CFAP91: variants seen among roughly 807,000 people sequenced by gnomAD.
CFAP91 encodes cilia and flagella associated protein 91.
In CFAP91, 85 loss-of-function variants were observed where a neutral mutation model predicts 95.9. That is an observed-to-expected ratio of 0.89 (90% CI 0.74 to 1.06). The LOEUF is 1.06. Among genes scored for constraint, CFAP91 ranks in the 50% least tolerant of loss-of-function variants. The pLI, the probability that CFAP91 is intolerant of heterozygous loss-of-function variation, is 0.00. For synonymous variants in CFAP91, 335 were observed against 327.5 expected (o/e 1.02, Z -0.25); for missense variants, 962 against 943.4 (o/e 1.02, Z -0.26).
intron 17 of CFAP91, chr3:119,752,509 A>G (rs181459187): frequency 6.6e-6 from 1 of 152,338 alleles, no homozygotes; most frequent in Admixed American, 6.5e-5. Flanking sequence ...TAAAACATCT[A>G]TTACATGTAA....
intron 17 of CFAP91, among the ~76,000 whole-genome samples, chr3:119,756,489 G>A (rs1030932103): frequency 1.3e-5 from 2 of 152,088 alleles, no homozygotes; most frequent in African/African-American, 2.4e-5. Context: ...CCAGTTGGAA[G>A]GTTGGAAATA....
At position 119,707,732 on chromosome 3, in the gene CFAP91, G is replaced by GATATATATAT. The variant is rs770594988; in HGVS notation, c.359+179_359+188dup. Among the ~76,000 whole-genome samples, 1,252 of 142,462 alleles carry GATATATATAT rather than the reference G, an allele frequency of 8.8e-3. 16 individuals are homozygous for GATATATATAT. Among genetic ancestry groups the GATATATATAT allele is most frequent in the African/African-American group, 0.024 (927 of 38,886 alleles). The allele number at this position is 142,462 out of a possible 152,430, so 93.5% of individuals were successfully genotyped here. On this transcript the variant is annotated intron_variant, in intron 3 of 17. Transcript: ENST00000273390. Reference sequence around the variant, plus strand: ...ACCTGATTATATATTGTATATATGAGATATATATATATATATAATTTTGTC... The same window carrying GATATATATAT: ...ACCTGATTATATATTGTATATATGAGATATATATATATATATATATATATATAATTTTGTC...
intron 17 of CFAP91, among the ~76,000 whole-genome samples, chr3:119,751,911 G>A (rs1382439182): frequency 3.3e-5 from 5 of 152,152 alleles, no homozygotes; most frequent in African/African-American, 4.8e-5. Context: ...GAAACTCAAA[G>A]CTGTGGTTTT....
intron 13 of CFAP91, chr3:119,740,936 C>T: frequency 2.1e-6 from 1 of 469,524 alleles, no homozygotes; most frequent in Non-Finnish European, 3.9e-6. Flanking sequence ...CTCACTGCAA[C>T]CTCTGCCTCA....
intron 6 of CFAP91, among the ~76,000 whole-genome samples, chr3:119,717,255 T>A (rs951792273): frequency 6.6e-6 from 1 of 152,210 alleles, no homozygotes; most frequent in African/African-American, 2.4e-5. Context: ...TTCCTGCCTG[T>A]GGCCTTGGAC....
intron 10 of CFAP91, 22 bp from the exon 11 acceptor site, chr3:119,737,344 A>G (rs751235111): frequency 5.7e-6 from 8 of 1,409,014 alleles, no homozygotes; most frequent in Admixed American, 4.2e-5. Flanking sequence ...AAAAGAGATT[A>G]TATTAATTGG....
At chr3:119,707,276 A>G in intron 2 of CFAP91, 128 bp from the exon 3 acceptor site, 1 of 690,458 alleles carries the variant, frequency 1.4e-6, no homozygotes, top group Admixed American at 2.8e-5. Context: ...CGCATACAGC[A>G]ATAACCCCTC....
intron 17 of CFAP91, among the ~76,000 whole-genome samples, chr3:119,755,256 G>GC (rs1211810008): frequency 1.3e-5 from 2 of 152,220 alleles, no homozygotes; most frequent in Non-Finnish European, 2.9e-5. Context: ...TACTTTGCAT[G>GC]CAAGAAGAAC....
chr3:119,705,847 A>G (rs1177633727), intron 1 of CFAP91: 1 of 152,198 alleles, frequency 6.6e-6, no homozygotes, highest in African/African-American at 2.4e-5. Flanking sequence ...AAAGAGCCTG[A>G]GCCTCTTGCA....
intron 3 of CFAP91, among the ~76,000 whole-genome samples, chr3:119,708,083 C>T (rs1373507007): frequency 6.6e-6 from 1 of 151,862 alleles, no homozygotes; most frequent in East Asian, 1.9e-4. Flanking sequence ...AGATTGAGAC[C>T]ATCCTGGCTA....
chr3:119,766,610 A>C lies in CFAP91; in HGVS notation c.*1560A>C, dbSNP rs1223606245. 6.6e-6 allele frequency: 1 copy of C among 152,174 alleles called. No individual in the cohort carries two copies. The highest frequency in any genetic ancestry group is 1.5e-5 in the Non-Finnish European group (1 of 68,048). 9.4% of individuals were successfully genotyped at this position (152,174 alleles called of 1,614,324 possible). A position where few individuals can be genotyped will look rare whatever the true frequency, so the allele number is the denominator to read the frequency against. ...GGAATGCTATACAGCTGGGAACAGC[A>C]GACTTTCTCTGAAGGGCCAGATGGT... On this transcript the variant is annotated 3_prime_UTR_variant, in exon 18 of 18. Transcript: ENST00000273390.
intron 10 of CFAP91, among the ~76,000 whole-genome samples, chr3:119,735,130 C>T (rs1378239266): frequency 6.6e-6 from 1 of 151,842 alleles, no homozygotes; most frequent in Non-Finnish European, 1.5e-5. Context: ...TTTATTTATG[C>T]CTTAACTCTT....
At position 119,743,981 on chromosome 3, in the gene CFAP91, C is replaced by G; in HGVS notation, c.1687C>G (p.Leu563Val). The G allele has an allele frequency of 6.2e-7, 1 of 1,601,730 alleles. No homozygotes were observed. Among genetic ancestry groups the G allele is most frequent in the Non-Finnish European group, 8.5e-7 (1 of 1,172,804 alleles). ...QRNLHEHKVS[L>V]VENHLAGLEG... Reference sequence around the variant, plus strand: ...TTATGTTATTCTTTTCAAGGTGTCACTGGTTGAAAACCATTTGGCCGGACT... The same window carrying G: ...TTATGTTATTCTTTTCAAGGTGTCAGTGGTTGAAAACCATTTGGCCGGACT... The change falls in exon 14 of 18, where the codon CTG becomes GTG. Residue 563 changes from leucine (L) to valine (V), a missense_variant. Physicochemically the swap from Leu to Val is conservative, Grantham distance 32. Coordinates refer to ENST00000273390, the MANE Select transcript of CFAP91 (RefSeq NM_033364.4).
At chr3:119,739,525 T>C (rs149932996) in intron 12 of CFAP91, 199 bp downstream of exon 12, 5 of 523,364 alleles carry the variant, frequency 9.6e-6, no homozygotes, top group South Asian at 6.0e-5. Flanking sequence ...GGTGGCACAG[T>C]GTCAAGGAGA....
chr3:119,704,368 C>T (rs1298619261), intron 1 of CFAP91, among the ~76,000 whole-genome samples: 1 of 152,128 alleles, frequency 6.6e-6, no homozygotes, highest in Non-Finnish European at 1.5e-5. Context: ...AAAACAATCT[C>T]GCCGCTAGTC....
chr3:119,713,116 TTTATTTATTTA>T (rs2053506440), intron 5 of CFAP91: 1 of 150,304 alleles, frequency 6.7e-6, no homozygotes, highest in Non-Finnish European at 1.5e-5. Context: ...TATTTATTTA[TTTATTTATTTA>T]TTTATTTTTT....
At chr3:119,730,105 G>A (rs926738193) in intron 7 of CFAP91, 115 bp from the exon 8 acceptor site, 2 of 1,108,574 alleles carry the variant, frequency 1.8e-6, no homozygotes, top group African/African-American at 3.2e-5. Context: ...GTGGTCTTTT[G>A]GCAATACATG....
At chr3:119,764,907 C>T (rs2054601883) in intron 17 of CFAP91, 145 bp from the exon 18 acceptor site, 1 of 152,074 alleles carries the variant, frequency 6.6e-6, no homozygotes, top group Non-Finnish European at 1.5e-5. Context: ...TTATAAATAG[C>T]AGAGCTGGGA....
intron 1 of CFAP91, among the ~76,000 whole-genome samples, chr3:119,705,820 G>A (rs1408117447): frequency 6.6e-6 from 1 of 152,166 alleles, no homozygotes; most frequent in African/African-American, 2.4e-5. Context: ...ATAAACATGT[G>A]TTGAATGAAG....
Sources: gnomAD v4.1 joint callset for allele counts (sites outside exome capture counted in the v4.1 genomes callset) on GRCh38, gnomAD v4.1.1 for gene constraint, MANE v1.5 for transcripts, NCBI Gene and HGNC (gene_info 2026-07-23, HGNC 2026-07-21) for gene names.